Variants in VWF observed in about 807,000 individuals in gnomAD.
The protein encoded by VWF is Factor VIII related antigen.
In VWF, 176 loss-of-function variants were observed where a neutral mutation model predicts 308.6. The observed-to-expected ratio is 0.57, with a 90% CI of 0.50 to 0.65. The LOEUF (loss-of-function observed/expected upper bound fraction) is 0.65, where lower values mean the gene tolerates loss of function less well. Among genes scored for constraint, VWF ranks in the 30% least tolerant of loss-of-function variants. VWF has a pLI of 0.00. For missense variants in VWF, 3,146 were observed against 3,648.2 expected (o/e 0.86, Z 3.55); for synonymous variants, 1,385 against 1,443.4 (o/e 0.96, Z 0.92).
chr12:6,088,805 T>C (rs1379131580), intron 6 of VWF, among the ~76,000 whole-genome samples: 1 of 152,236 alleles, frequency 6.6e-6, no homozygotes, highest in Non-Finnish European at 1.5e-5. Flanking sequence ...GCCTTCAGTT[T>C]GAAAAGCTGA....
intron 32 of VWF, among the ~76,000 whole-genome samples, chr12:6,012,387 G>A (rs922970079): frequency 5.3e-5 from 8 of 152,226 alleles, no homozygotes; most frequent in Non-Finnish European, 8.8e-5. Flanking sequence ...TACAGCTTAC[G>A]CTGTCATTAT....
chr12:6,009,789 T>C (rs1943970836), intron 34 of VWF, among the ~76,000 whole-genome samples: 1 of 152,192 alleles, frequency 6.6e-6, no homozygotes. Flanking sequence ...TGGAATACTA[T>C]TCAGTCTTTA....
rs535061291 is a variant in VWF, at chr12:6,084,862, C to G, written c.658-9311G>C. On this transcript the variant is annotated intron_variant, in intron 6 of 51. Coordinates refer to ENST00000261405, the MANE Select transcript of VWF (RefSeq NM_000552.5). ...CAGGGAATACTTTCTCATTGGTCAGCTGTAATGATGGGTGGGGGAGGGTAG... is the reference window on the plus strand; with the variant it reads ...CAGGGAATACTTTCTCATTGGTCAGGTGTAATGATGGGTGGGGGAGGGTAG... Among the ~76,000 whole-genome samples, 27 of 151,822 alleles carry G rather than the reference C, an allele frequency of 1.8e-4. No individual in the cohort carries two copies. In the South Asian group the frequency reaches 5.2e-3, roughly 29 times the overall value.
At chr12:6,079,359 C>A (rs1944878101) in intron 6 of VWF, among the ~76,000 whole-genome samples, 1 of 152,182 alleles carries the variant, frequency 6.6e-6, no homozygotes, top group Admixed American at 6.5e-5. Flanking sequence ...GTAATCCCAG[C>A]ACTTTTGGAG....
intron 16 of VWF, 147 bp downstream of exon 16, chr12:6,052,396 G>T: frequency 8.0e-7 from 1 of 1,250,882 alleles, no homozygotes; most frequent in African/African-American, 1.5e-5. Flanking sequence ...TCCCAGCTCC[G>T]CTTCTGACTT....
chr12:5,998,034 T>A (rs919886605), intron 34 of VWF, among the ~76,000 whole-genome samples: 7 of 152,210 alleles, frequency 4.6e-5, no homozygotes, highest in Non-Finnish European at 5.9e-5. Flanking sequence ...TTCTTACTCA[T>A]TATCTTTCCA....
At chr12:6,110,284 G>T in intron 5 of VWF, 90 bp downstream of exon 5, 1 of 1,374,770 alleles carries the variant, frequency 7.3e-7, no homozygotes, top group Non-Finnish European at 1.0e-6. Context: ...AGGCTTGAAT[G>T]CCAGGGAAGG....
chr12:6,057,602 G>C (rs1346097466), intron 14 of VWF, among the ~76,000 whole-genome samples: 1 of 142,934 alleles, frequency 7.0e-6, no homozygotes, highest in Non-Finnish European at 1.5e-5. Flanking sequence ...CTCCCGCCTC[G>C]GTAGACTTTT....
At chr12:5,988,090 C>T (rs565126346) in intron 38 of VWF, among the ~76,000 whole-genome samples, 1 of 152,296 alleles carries the variant, frequency 6.6e-6, no homozygotes, top group East Asian at 1.9e-4. Context: ...CACAAGGGTG[C>T]ACCTATGAAG....
At chr12:6,066,394 A>C (rs553647768) in intron 10 of VWF, among the ~76,000 whole-genome samples, 76 of 152,290 alleles carry the variant, frequency 5.0e-4, no homozygotes, top group African/African-American at 1.8e-3. Context: ...TATCTACTCT[A>C]CAGAAAAAGA....
intron 42 of VWF, among the ~76,000 whole-genome samples, chr12:5,979,682 C>T (rs1008823678): frequency 2.0e-5 from 3 of 149,134 alleles, no homozygotes; most frequent in Non-Finnish European, 3.0e-5. Flanking sequence ...CCAGGGAGTA[C>T]GAGGCTACAA....
chr12:6,070,393 C>G (rs1481534444), intron 10 of VWF, among the ~76,000 whole-genome samples: 4 of 152,162 alleles, frequency 2.6e-5, no homozygotes, highest in Non-Finnish European at 5.9e-5. Flanking sequence ...CAAGCTCAAC[C>G]CACTTCAGGC....
intron 34 of VWF, among the ~76,000 whole-genome samples, chr12:6,009,426 AACACACACACACACACAC>A (rs3062550): frequency 4.8e-5 from 7 of 146,530 alleles, no homozygotes; most frequent in Non-Finnish European, 7.5e-5. Context: ...GCCATTATCA[AACACACACACACACACAC>A]ACACACACAC....
In VWF at chr12:6,013,797, T is replaced by G. The variant is rs1186859090; in HGVS notation, c.5456-152A>C. On this transcript the variant is annotated intron_variant, in intron 31 of 51. Transcript: ENST00000261405. ...ATGAGGAAGATGTTCAGTCAACAGATATTAATGAGCTGCTACTCTGTGTCA... is the reference window on the plus strand; with the variant it reads ...ATGAGGAAGATGTTCAGTCAACAGAGATTAATGAGCTGCTACTCTGTGTCA... The G allele has an allele frequency of 2.5e-5, 22 of 877,606 alleles. 1 individual carries two copies. The South Asian group carries it at 3.0e-4, about 12-fold the overall frequency. The allele number at this position is 877,606 out of a possible 1,614,324, so 54.4% of individuals were successfully genotyped here. A position where few individuals can be genotyped will look rare whatever the true frequency, so the allele number is the denominator to read the frequency against.
At position 6,058,988 on chromosome 12, in the gene VWF, C is replaced by T. The variant is rs1051935728; in HGVS notation, c.1534-944G>A. 1.3e-5 allele frequency among the ~76,000 whole-genome samples: 2 copies of T among 152,304 alleles called. No individual in the cohort carries two copies. The highest frequency in any genetic ancestry group is 1.9e-4 in the East Asian group (1 of 5,180). Reference sequence around the variant, plus strand: ...TGTCATTACCAAGGTGGGATGACCTCCCTGCGTTCTGAATCCCTCAGGGGC... The same window carrying T: ...TGTCATTACCAAGGTGGGATGACCTTCCTGCGTTCTGAATCCCTCAGGGGC... On this transcript the variant is annotated intron_variant, in intron 13 of 51. Coordinates refer to ENST00000261405, the MANE Select transcript of VWF (RefSeq NM_000552.5). This position sits in a 1 kb window ranked among gnomAD's most constrained non-coding sequence, Gnocchi z 4.9.
At chr12:6,049,566 A>G (rs1401493175) in intron 16 of VWF, among the ~76,000 whole-genome samples, 2 of 152,072 alleles carry the variant, frequency 1.3e-5, no homozygotes, top group Non-Finnish European at 2.9e-5. Flanking sequence ...CCCAAATTCA[A>G]CCGTCTATTC....
chr12:6,031,765 GGT>G (rs1431048455), intron 20 of VWF, among the ~76,000 whole-genome samples, 187 bp from the exon 21 acceptor site: 7 of 150,936 alleles, frequency 4.6e-5, no homozygotes, highest in Admixed American at 4.0e-4. Context: ...AATGCCCTCA[GGT>G]GTGTCAACCT....
At chr12:6,001,828 C>A (rs552330353) in intron 34 of VWF, among the ~76,000 whole-genome samples, 5 of 152,234 alleles carry the variant, frequency 3.3e-5, no homozygotes, top group African/African-American at 1.2e-4. Context: ...AAAAACTGAT[C>A]ATGTATTAGA....
At chr12:6,059,543 T>C (rs1379453181) in intron 13 of VWF, among the ~76,000 whole-genome samples, 3 of 152,228 alleles carry the variant, frequency 2.0e-5, no homozygotes, top group Non-Finnish European at 4.4e-5. Context: ...CATCAGCAGA[T>C]TTGGTGTCTG....
Sources: gnomAD v4.1 joint callset for allele counts (sites outside exome capture counted in the v4.1 genomes callset) on GRCh38, gnomAD v4.1.1 for gene constraint, Gnocchi (gnomAD v3.1) non-coding constraint, MANE v1.5 for transcripts, NCBI Gene and HGNC (gene_info 2026-07-23, HGNC 2026-07-21) for gene names.